Variants in PRKCZ observed in about 807,000 individuals in gnomAD.
PRKCZ encodes the protein protein kinase C zeta.
A neutral mutation model predicts 79.5 loss-of-function variants in PRKCZ; 33 were observed. The observed-to-expected ratio is 0.41, with a 90% CI of 0.31 to 0.55. PRKCZ has a LOEUF of 0.55. PRKCZ is among the 20% of genes least tolerant of loss of function. The probability of loss-of-function intolerance (pLI) is 0.19; values close to 1 mark genes in which losing one functional copy is unlikely to be tolerated. For missense variants in PRKCZ, 578 were observed against 813.5 expected (o/e 0.71, Z 3.52); for synonymous variants, 342 against 320.9 (o/e 1.07, Z -0.70).
intron 4 of PRKCZ, among the ~76,000 whole-genome samples, chr1:2,089,175 C>T (rs1571283333): frequency 1.3e-5 from 2 of 152,146 alleles, no homozygotes; most frequent in African/African-American, 4.8e-5. Flanking sequence ...GGTTTTAGAA[C>T]TCATTTCCCT....
At chr1:2,059,396 C>T (rs1660466183) in intron 3 of PRKCZ, 145 bp from the exon 4 acceptor site, 3 of 954,148 alleles carry the variant, frequency 3.1e-6, no homozygotes, top group Non-Finnish European at 4.8e-6. Context: ...TTTGCGTCTC[C>T]CAGGAGCGGG....
At chr1:2,053,182 C>A (rs72913411) in intron 1 of PRKCZ, among the ~76,000 whole-genome samples, 3,216 of 151,090 alleles carry the variant, frequency 0.021, 101 homozygotes, top group African/African-American at 0.075. Context: ...CCCACTGTAT[C>A]CTTCACCTCC....
intron 2 of PRKCZ, among the ~76,000 whole-genome samples, 184 bp from the exon 3 acceptor site, chr1:2,056,300 G>A (rs1226648859): frequency 3.3e-5 from 5 of 152,204 alleles, no homozygotes; most frequent in African/African-American, 4.8e-5. Context: ...TGCACCGGGG[G>A]CCAGGTGACT....
chr1:2,107,433 G>T (rs562600984), intron 4 of PRKCZ, among the ~76,000 whole-genome samples: 1 of 152,356 alleles, frequency 6.6e-6, no homozygotes, highest in African/African-American at 2.4e-5. Flanking sequence ...CGTTGGGCTG[G>T]GCTGACTGAT....
chr1:2,127,491 G>A lies in PRKCZ; in HGVS notation c.335-7771G>A, dbSNP rs764593532. Reference sequence around the variant, plus strand: ...CTCTGGTCCTGGCTGGGCCCGTCCCGCCCCACGTCCCGCCTCCCACTGCCC... The same window carrying A: ...CTCTGGTCCTGGCTGGGCCCGTCCCACCCCACGTCCCGCCTCCCACTGCCC... On this transcript the variant is annotated intron_variant, in intron 4 of 17. Transcript: ENST00000378567. This position sits in a 1 kb window ranked among gnomAD's most constrained non-coding sequence, Gnocchi z 5.1. Among the ~76,000 whole-genome samples, 52 of 147,728 alleles carry A rather than the reference G, an allele frequency of 3.5e-4. No homozygotes were observed. The highest frequency in any genetic ancestry group is 4.9e-4 in the Non-Finnish European group (33 of 66,868).
chr1:2,101,484 C>G (rs1667434468), intron 4 of PRKCZ, among the ~76,000 whole-genome samples: 2 of 152,206 alleles, frequency 1.3e-5, no homozygotes, highest in South Asian at 4.1e-4. Flanking sequence ...TTTACTTGTT[C>G]TCTCATTTGT....
chr1:2,061,634 C>G (rs909253326), intron 4 of PRKCZ, among the ~76,000 whole-genome samples: 3 of 152,154 alleles, frequency 2.0e-5, no homozygotes, highest in South Asian at 2.1e-4. Context: ...TCTGGGGCAG[C>G]CTTTGCCGAG....
rs1264470870 is a variant in PRKCZ, at chr1:2,156,060, C to T, written c.942C>T (p.Val314=). 6.8e-6 allele frequency: 11 copies of T among 1,613,578 alleles called. No homozygotes were observed. The highest frequency in any genetic ancestry group is 5.3e-5 in the African/African-American group (4 of 74,830). ...FEQASSNPFL[V]GLHSCFQTTS... is the part of the protein sequence containing the mutation. ...AGGCATCCAGCAACCCCTTCCTGGTCGGATTACACTCCTGCTTCCAGACGA... is the reference window on the plus strand; with the variant it reads ...AGGCATCCAGCAACCCCTTCCTGGTTGGATTACACTCCTGCTTCCAGACGA... The change falls in exon 10 of 18, where the codon GTC becomes GTT. Residue 314 remains valine (V), a synonymous_variant. Coordinates refer to ENST00000378567, the MANE Select transcript of PRKCZ (RefSeq NM_002744.6).
At chr1:2,167,575 T>C (rs1376757377) in intron 10 of PRKCZ, among the ~76,000 whole-genome samples, 24 of 152,134 alleles carry the variant, frequency 1.6e-4, no homozygotes, top group Non-Finnish European at 2.4e-4. Flanking sequence ...TGCGGTGAAG[T>C]CACCCTAAGG....
At chr1:2,105,452 T>G (rs1668220630) in intron 4 of PRKCZ, among the ~76,000 whole-genome samples, 1 of 152,218 alleles carries the variant, frequency 6.6e-6, no homozygotes, top group Non-Finnish European at 1.5e-5. Flanking sequence ...CAGGCTGGAG[T>G]GCAGTGGCGT....
chr1:2,102,322 T>G lies in PRKCZ; in HGVS notation c.335-32940T>G, dbSNP rs201135834. 3.9e-3 allele frequency among the ~76,000 whole-genome samples: 591 copies of G among 151,544 alleles called. 17 individuals are homozygous for G. The East Asian group carries it at 0.073, about 19-fold the overall frequency. On this transcript the variant is annotated intron_variant, in intron 4 of 17. Coordinates refer to ENST00000378567, the MANE Select transcript of PRKCZ (RefSeq NM_002744.6). ...TACACGTTTTTTATTGCGTTTTTTT[T>G]TTTGTTTGTTTTGTTTTGTTTTGTT...
chr1:2,091,658 A>G (rs1259399327), intron 4 of PRKCZ, among the ~76,000 whole-genome samples: 3 of 151,872 alleles, frequency 2.0e-5, no homozygotes, highest in Admixed American at 2.0e-4. Context: ...TCGGCTTTGG[A>G]GAAACGTCTG....
chr1:2,133,363 C>G (rs1337705298), intron 4 of PRKCZ, among the ~76,000 whole-genome samples: 2 of 150,456 alleles, frequency 1.3e-5, no homozygotes, highest in African/African-American at 4.9e-5. Flanking sequence ...TCCCTCGGCT[C>G]CGCCCCCTCG....
chr1:2,173,866 C>A lies in PRKCZ; in HGVS notation c.1286-31C>A, dbSNP rs1238518825. ...GTCCTGCTGCCGGCCCATGTGGCCC[C>A]ACTCGGTGATGGCTGTGTGCTCTCC... On this transcript the variant is annotated intron_variant, in intron 13 of 17. Transcript: ENST00000378567. This position sits in a 1 kb window ranked among gnomAD's most constrained non-coding sequence, Gnocchi z 5.7. 3.2e-6 allele frequency: 5 copies of A among 1,555,114 alleles called. No homozygotes were observed. Among genetic ancestry groups the A allele is most frequent in the Non-Finnish European group, 4.4e-6 (5 of 1,146,934 alleles).
chr1:2,069,882 C>T (rs776036265), intron 4 of PRKCZ, among the ~76,000 whole-genome samples: 4 of 152,194 alleles, frequency 2.6e-5, no homozygotes, highest in Non-Finnish European at 5.9e-5. Flanking sequence ...GCCTGGGCAG[C>T]GTCCATGGGA....
intron 4 of PRKCZ, among the ~76,000 whole-genome samples, chr1:2,080,221 T>C (rs531013078): frequency 6.6e-6 from 1 of 152,168 alleles, no homozygotes; most frequent in South Asian, 2.1e-4. Context: ...CAGTCAGTGA[T>C]GTGTTTGAGC....
chr1:2,136,098 C>T (rs1457993219), intron 5 of PRKCZ, among the ~76,000 whole-genome samples: 2 of 152,190 alleles, frequency 1.3e-5, no homozygotes, highest in Admixed American at 6.5e-5. Flanking sequence ...TTGCATTCCA[C>T]ACTCACCTGC....
chr1:2,165,272 G>A lies in PRKCZ; in HGVS notation c.975-4246G>A, dbSNP rs569227494. Among the ~76,000 whole-genome samples the A allele has an allele frequency of 2.0e-5, 3 of 152,286 alleles. No individual in the cohort carries two copies. Among genetic ancestry groups the A allele is most frequent in the East Asian group, 1.9e-4 (1 of 5,178 alleles). On this transcript the variant is annotated intron_variant, in intron 10 of 17. Coordinates refer to ENST00000378567, the MANE Select transcript of PRKCZ (RefSeq NM_002744.6). This position sits in a 1 kb window ranked among gnomAD's most constrained non-coding sequence, Gnocchi z 4.1. ...ATTTTCCAGCGTGCCCTGTAATGAC[G>A]GTGCTGTCACCGCTGTGATGTCCGC...
intron 7 of PRKCZ, among the ~76,000 whole-genome samples, chr1:2,148,448 G>A (rs1394392684): frequency 6.6e-6 from 1 of 151,670 alleles, no homozygotes; most frequent in African/African-American, 2.4e-5. Context: ...TCCATCTATT[G>A]TCCACTGACC....
Sources: allele counts gnomAD v4.1 joint callset (sites outside exome capture counted in the v4.1 genomes callset), GRCh38; gene constraint gnomAD v4.1.1; non-coding constraint Gnocchi (gnomAD v3.1); transcripts MANE v1.5; gene names NCBI Gene and HGNC (gene_info 2026-07-23, HGNC 2026-07-21).